The following FSBP variants were observed in gnomAD, a reference collection of about 807,000 sequenced individuals.
FSBP encodes the protein fibrinogen silencer binding protein.
Under a neutral mutation model 24.6 loss-of-function variants are expected in FSBP, and 18 were observed. That is an observed-to-expected ratio of 0.73 (90% CI 0.51 to 1.08). FSBP has a LOEUF of 1.08. Among genes scored for constraint, FSBP ranks in the 50% least tolerant of loss-of-function variants. The probability of loss-of-function intolerance (pLI) is 0.00; values close to 1 mark genes in which losing one functional copy is unlikely to be tolerated. For missense variants in FSBP, 305 were observed against 347.6 expected (o/e 0.88, Z 0.98); for synonymous variants, 110 against 125.8 (o/e 0.87, Z 0.84).
intron 1 of FSBP, 123 bp from the exon 2 acceptor site, chr8:94,432,779 TAAA>T: frequency 8.1e-7 from 1 of 1,234,640 alleles, no homozygotes; most frequent in South Asian, 2.7e-5. Flanking sequence ...AGTTACAAAA[TAAA>T]AAAAAATCTT....
In FSBP at chr8:94,427,962, T is replaced by C. The variant is rs939674553; in HGVS notation, c.*4169A>G. On this transcript the variant is annotated 3_prime_UTR_variant, in exon 2 of 2. Transcript: ENST00000481490. ...AAAAAATGAAATAACACCAAGTTAA[T>C]ATCTCATCATACACAAAAGAAAAAT... 6 of 911,674 alleles carry C rather than the reference T, an allele frequency of 6.6e-6. No homozygotes were observed. The African/African-American group carries it at 7.2e-5, about 11-fold the overall frequency. The allele number at this position is 911,674 out of a possible 1,614,324, so 56.5% of individuals were successfully genotyped here.
chr8:94,433,224 G>A (rs190426869), intron 1 of FSBP, among the ~76,000 whole-genome samples: 55 of 152,180 alleles, frequency 3.6e-4, no homozygotes, highest in African/African-American at 1.2e-3. Context: ...AACTACTGGA[G>A]GTTATCCTAA....
At position 94,427,931 on chromosome 8, in the gene FSBP, TAA is replaced by T. The variant is rs80311026; in HGVS notation, c.*4198_*4199del. 1.6e-4 allele frequency: 131 copies of T among 800,426 alleles called. No individual in the cohort carries two copies. Among genetic ancestry groups the T allele is most frequent in the Middle Eastern group, 6.3e-4 (1 of 1,588 alleles). The allele number at this position is 800,426 out of a possible 1,614,324, so 49.6% of individuals were successfully genotyped here. A position where few individuals can be genotyped will look rare whatever the true frequency, so the allele number is the denominator to read the frequency against. ...GATAGAACAGGGTAGAATGACTCCT[TAA>T]AAAAAAAAATGAAATAACACCAAGT... On this transcript the variant is annotated 3_prime_UTR_variant, in exon 2 of 2. Coordinates refer to ENST00000481490, the MANE Select transcript of FSBP (RefSeq NM_001256141.2).
At position 94,431,556 on chromosome 8, in the gene FSBP, C is replaced by T. The variant is rs555973745; in HGVS notation, c.*575G>A. ...CTGGTCTCTGCTCTGCCATAAATAG[C>T]TTTGTTACCCTAAGTAAGTCATTGA... On this transcript the variant is annotated 3_prime_UTR_variant, in exon 2 of 2. Transcript: ENST00000481490. 16 of 952,046 alleles carry T rather than the reference C, an allele frequency of 1.7e-5. No individual in the cohort carries two copies. In the African/African-American group the frequency reaches 2.8e-4, roughly 17 times the overall value. 59.0% of individuals were successfully genotyped at this position (952,046 alleles called of 1,614,324 possible).
At chr8:94,434,423 C>T (rs1812202268) in intron 1 of FSBP, among the ~76,000 whole-genome samples, 2 of 151,530 alleles carry the variant, frequency 1.3e-5, no homozygotes, top group Non-Finnish European at 3.0e-5. Flanking sequence ...GATCAGTTTA[C>T]AAAAACACAA....
chr8:94,431,466 T>C lies in FSBP; in HGVS notation c.*665A>G, dbSNP rs547229355. The C allele has an allele frequency of 1.0e-5, 10 of 982,278 alleles. No homozygotes were observed. The South Asian group carries it at 3.8e-4, about 37-fold the overall frequency. 60.8% of individuals were successfully genotyped at this position (982,278 alleles called of 1,614,324 possible). A position where few individuals can be genotyped will look rare whatever the true frequency, so the allele number is the denominator to read the frequency against. On this transcript the variant is annotated 3_prime_UTR_variant, in exon 2 of 2. Transcript: ENST00000481490. ...GCTTCTAATATTTAAATCTAGAGAA[T>C]GTTTTAGTGGATATTTACTTCTATC...
Position 94,429,076 on chromosome 8 carries a change from T to A in FSBP, c.*3055A>T. ...AAATTAAAAGTAAACAAGACTGACT[T>A]GGAGAAAAACAAGATTGACTTGGAA... On this transcript the variant is annotated 3_prime_UTR_variant, in exon 2 of 2. Coordinates refer to ENST00000481490, the MANE Select transcript of FSBP (RefSeq NM_001256141.2). 1.0e-6 allele frequency: 1 copy of A among 985,326 alleles called. No individual in the cohort carries two copies. The highest frequency in any genetic ancestry group is 1.2e-6 in the Non-Finnish European group (1 of 829,878). The allele number at this position is 985,326 out of a possible 1,614,324, so 61.0% of individuals were successfully genotyped here. A position where few individuals can be genotyped will look rare whatever the true frequency, so the allele number is the denominator to read the frequency against.
rs1470988430 is a variant in FSBP at position 94,432,652 on chromosome 8, T to C, written c.379A>G (p.Asn127Asp). The stretch of plus-strand genomic sequence containing the variant: ...CCAGCCTGTGCCTCCTCATCCAAGT[T>C]TGCACTATAGCACACAAAAAAGCAT... ...VRDRNHIQSA[N>D]LDEEAQAGTS... Residue 127 changes from asparagine to aspartate, a missense_variant, in exon 2 of 2, where the codon AAC (asparagine) becomes GAC (aspartate). Asn to Asp is a conservative substitution (Grantham distance 23). Coordinates refer to ENST00000481490, the MANE Select transcript of FSBP (RefSeq NM_001256141.2). 6.5e-6 allele frequency: 10 copies of C among 1,530,914 alleles called. No homozygotes were observed. Among genetic ancestry groups the C allele is most frequent in the African/African-American group, 5.5e-5 (4 of 72,446 alleles). The allele number at this position is 1,530,914 out of a possible 1,614,324, so 94.8% of individuals were successfully genotyped here. A position where few individuals can be genotyped will look rare whatever the true frequency, so the allele number is the denominator to read the frequency against.
In FSBP at chr8:94,431,870, C is replaced by T. The variant is rs1017830741; in HGVS notation, c.*261G>A. 1.8e-6 allele frequency: 2 copies of T among 1,129,988 alleles called. No homozygotes were observed. Among genetic ancestry groups the T allele is most frequent in the Non-Finnish European group, 2.2e-6 (2 of 915,068 alleles). The allele number at this position is 1,129,988 out of a possible 1,614,324, so 70.0% of individuals were successfully genotyped here. On this transcript the variant is annotated 3_prime_UTR_variant, in exon 2 of 2. Coordinates refer to ENST00000481490, the MANE Select transcript of FSBP (RefSeq NM_001256141.2). ...ATGCATTTGTGTATATCTTAGTGAT[C>T]AGAATAAAATATCTTTTGTAAGGTC...
intron 1 of FSBP, among the ~76,000 whole-genome samples, chr8:94,435,885 C>T (rs1563656651): frequency 6.6e-6 from 1 of 152,036 alleles, no homozygotes; most frequent in Non-Finnish European, 1.5e-5. Flanking sequence ...TAAACTGAAT[C>T]CCTAATTAGG....
At position 94,436,873 on chromosome 8, in the gene FSBP, C is replaced by T. The variant is rs1190726864; in HGVS notation, c.-5G>A. 17 of 1,505,814 alleles carry T rather than the reference C, an allele frequency of 1.1e-5. No homozygotes were observed. The highest frequency in any genetic ancestry group is 1.4e-5 in the Non-Finnish European group (16 of 1,129,416). The allele number at this position is 1,505,814 out of a possible 1,614,324, so 93.3% of individuals were successfully genotyped here. ...AGATCTAGCCTTTCCTACCATTGTT[C>T]TTTTCAAATTAAGTAGGCAGTTTCT... is the stretch of plus-strand genomic sequence containing the variant. On this transcript the variant is annotated 5_prime_UTR_variant, in exon 1 of 2. Coordinates refer to ENST00000481490, the MANE Select transcript of FSBP (RefSeq NM_001256141.2).
chr8:94,430,631 T>A lies in FSBP; in HGVS notation c.*1500A>T. 1.6e-6 allele frequency: 1 copy of A among 613,650 alleles called. No homozygotes were observed. The highest frequency in any genetic ancestry group is 2.0e-6 in the Non-Finnish European group (1 of 490,950). 38.0% of individuals were successfully genotyped at this position (613,650 alleles called of 1,614,324 possible). A position where few individuals can be genotyped will look rare whatever the true frequency, so the allele number is the denominator to read the frequency against. On this transcript the variant is annotated 3_prime_UTR_variant, in exon 2 of 2. Transcript: ENST00000481490. ...GTCAGGACCCATACTTGGAAAACCA[T>A]TGGTCTACTCCAAAGGCCACAAAGT...
chr8:94,428,437 T>C lies in FSBP; in HGVS notation c.*3694A>G, dbSNP rs1811999277. 3 of 496,996 alleles carry C rather than the reference T, an allele frequency of 6.0e-6. No homozygotes were observed. Among genetic ancestry groups the C allele is most frequent in the African/African-American group, 2.1e-5 (1 of 47,464 alleles). The allele number at this position is 496,996 out of a possible 1,614,324, so 30.8% of individuals were successfully genotyped here. ...GATCCACAGATACTCAAGTCCCTTA[T>C]ATAAAATGTTTGTATTCACATACAA... On this transcript the variant is annotated 3_prime_UTR_variant, in exon 2 of 2. Transcript: ENST00000481490.
chr8:94,433,710 T>A (rs952087859), intron 1 of FSBP, among the ~76,000 whole-genome samples: 1 of 151,926 alleles, frequency 6.6e-6, no homozygotes, highest in African/African-American at 2.4e-5. Flanking sequence ...TTGTTTTTTT[T>A]AATTTATGCT....
At position 94,430,042 on chromosome 8, in the gene FSBP, G is replaced by A. The variant is rs375380288; in HGVS notation, c.*2089C>T. 30 of 984,660 alleles carry A rather than the reference G, an allele frequency of 3.0e-5. No homozygotes were observed. In the East Asian group the frequency reaches 5.7e-4, roughly 19 times the overall value. The allele number at this position is 984,660 out of a possible 1,614,324, so 61.0% of individuals were successfully genotyped here. On this transcript the variant is annotated 3_prime_UTR_variant, in exon 2 of 2. Coordinates refer to ENST00000481490, the MANE Select transcript of FSBP (RefSeq NM_001256141.2). ...TAAAAATAGTATTTAGGCTGGGCAC[G>A]GTGGCTCAAGCCTGTAATCCCAGCA... is the stretch of plus-strand genomic sequence containing the variant.
In FSBP at chr8:94,430,337, G is replaced by A; in HGVS notation, c.*1794C>T. The A allele has an allele frequency of 5.5e-6, 5 of 916,458 alleles. No homozygotes were observed. The highest frequency in any genetic ancestry group is 6.5e-6 in the Non-Finnish European group (5 of 768,090). The allele number at this position is 916,458 out of a possible 1,614,324, so 56.8% of individuals were successfully genotyped here. A position where few individuals can be genotyped will look rare whatever the true frequency, so the allele number is the denominator to read the frequency against. ...AAAAAAAAAAAAAAAAGTATTTAAT[G>A]TAATTCATAATCTGGTATCAACCAT... On this transcript the variant is annotated 3_prime_UTR_variant, in exon 2 of 2. Coordinates refer to ENST00000481490, the MANE Select transcript of FSBP (RefSeq NM_001256141.2).
rs1433650138 is a variant in FSBP, at chr8:94,429,821, T to A, written c.*2310A>T. On this transcript the variant is annotated 3_prime_UTR_variant, in exon 2 of 2. Transcript: ENST00000481490. The stretch of plus-strand genomic sequence containing the variant: ...TTTTAATCCAACCAATGAAATTAAG[T>A]AGTCAACATGCTAAAATAGTACCTT... 2.0e-6 allele frequency: 2 copies of A among 985,256 alleles called. No individual in the cohort carries two copies. The highest frequency in any genetic ancestry group is 3.5e-5 in the African/African-American group (2 of 57,214). The allele number at this position is 985,256 out of a possible 1,614,324, so 61.0% of individuals were successfully genotyped here. A position where few individuals can be genotyped will look rare whatever the true frequency, so the allele number is the denominator to read the frequency against.
Position 94,430,905 on chromosome 8 carries a change from T to G in FSBP, c.*1226A>C. 1 of 985,404 alleles carries G rather than the reference T, an allele frequency of 1.0e-6. No individual in the cohort carries two copies. Among genetic ancestry groups the G allele is most frequent in the Non-Finnish European group, 1.2e-6 (1 of 829,924 alleles). The allele number at this position is 985,404 out of a possible 1,614,324, so 61.0% of individuals were successfully genotyped here. ...TGACTCTCTCTACATTCACTTAAAATCAATGGCTTAGCACTGCATTTGTGC... is the reference window on the plus strand; with the variant it reads ...TGACTCTCTCTACATTCACTTAAAAGCAATGGCTTAGCACTGCATTTGTGC... On this transcript the variant is annotated 3_prime_UTR_variant, in exon 2 of 2. Transcript: ENST00000481490.
In FSBP at chr8:94,436,613, G is replaced by C; in HGVS notation, c.256C>G (p.Gln86Glu). Residue 86 changes from glutamine (Q) to glutamate (E), a missense_variant, in exon 1 of 2, where the codon CAA (glutamine) becomes GAA (glutamate). Coordinates refer to ENST00000481490, the MANE Select transcript of FSBP (RefSeq NM_001256141.2). ...KEYAKQELLQ[Q>E]KETQSDFKSN... The stretch of plus-strand genomic sequence containing the variant: ...TTAAAATCTGATTGGGTCTCTTTTT[G>C]CTGCAATAGCTCCTGTTTGGCATAT... 1 of 1,550,404 alleles carries C rather than the reference G, an allele frequency of 6.4e-7. No individual in the cohort carries two copies. Among genetic ancestry groups the C allele is most frequent in the Non-Finnish European group, 8.7e-7 (1 of 1,146,904 alleles).
Sources: allele counts gnomAD v4.1 joint callset (sites outside exome capture counted in the v4.1 genomes callset), GRCh38; gene constraint gnomAD v4.1.1; transcripts MANE v1.5; gene names NCBI Gene and HGNC (gene_info 2026-07-23, HGNC 2026-07-21).